The following NWD2 variants were observed in gnomAD, a reference collection of about 807,000 sequenced individuals.
NWD2 encodes NACHT and WD repeat domain containing 2, also known as NACHT and WD repeat domain-containing protein 2.
A neutral mutation model predicts 132.7 loss-of-function variants in NWD2; 37 were observed. The observed-to-expected ratio is 0.28, with a 90% CI of 0.21 to 0.37. NWD2 has a LOEUF of 0.37. NWD2 is among the 10% of genes least tolerant of loss of function. The probability of loss-of-function intolerance (pLI) is 1.00; values close to 1 mark genes in which losing one functional copy is unlikely to be tolerated. For missense variants in NWD2, 1,592 were observed against 2,122.4 expected, an observed-to-expected ratio of 0.75 and a Z score of 4.91; for synonymous variants, 705 against 803.0, an observed-to-expected ratio of 0.88 and a Z score of 2.06.
At chr4:37,325,232 G>A (rs1187077019) in intron 1 of NWD2, among the ~76,000 whole-genome samples, 1 of 152,020 alleles carries the variant, frequency 6.6e-6, no homozygotes, top group East Asian at 1.9e-4. Flanking sequence ...GTTTCTTCTT[G>A]TATTTTCTTA....
intron 1 of NWD2, among the ~76,000 whole-genome samples, chr4:37,245,533 C>T (rs1717221165): frequency 6.7e-6 from 1 of 149,372 alleles, no homozygotes; most frequent in Non-Finnish European, 1.5e-5. Flanking sequence ...GCCACCACCA[C>T]CTCCTGTCCC....
At chr4:37,438,657 A>G in intron 5 of NWD2, 144 bp from the exon 6 acceptor site, 1 of 582,998 alleles carries the variant, frequency 1.7e-6, no homozygotes, top group Non-Finnish European at 2.9e-6. Flanking sequence ...CAAATAGGAA[A>G]TCAAGAAATT....
intron 2 of NWD2, among the ~76,000 whole-genome samples, chr4:37,353,593 T>C (rs956883911): frequency 6.6e-6 from 1 of 152,042 alleles, no homozygotes; most frequent in African/African-American, 2.4e-5. Context: ...TTCATTAAGT[T>C]GATCTTCAAT....
intron 3 of NWD2, among the ~76,000 whole-genome samples, chr4:37,398,524 C>T (rs543798878): frequency 1.3e-5 from 2 of 152,176 alleles, no homozygotes; most frequent in Non-Finnish European, 2.9e-5. Context: ...ACCTACATGC[C>T]GGGTTCATAG....
chr4:37,403,481 G>A (rs909398103), intron 3 of NWD2, among the ~76,000 whole-genome samples: 1 of 152,070 alleles, frequency 6.6e-6, no homozygotes, highest in African/African-American at 2.4e-5. Flanking sequence ...TAGTACAGGG[G>A]GAAACAAACT....
At chr4:37,348,628 T>C (rs1209838373) in intron 2 of NWD2, among the ~76,000 whole-genome samples, 2 of 80,290 alleles carry the variant, frequency 2.5e-5, no homozygotes, top group African/African-American at 9.9e-5. Context: ...TCCTTGCCTG[T>C]GGTTAATTCA....
chr4:37,259,300 A>G (rs1268239958), intron 1 of NWD2, among the ~76,000 whole-genome samples: 2 of 152,232 alleles, frequency 1.3e-5, no homozygotes, highest in Non-Finnish European at 2.9e-5. Flanking sequence ...AACCCTATAT[A>G]AAAGCAAAGC....
In NWD2 at chr4:37,439,326, C is replaced by T; in HGVS notation, c.1232C>T (p.Pro411Leu). The T allele has an allele frequency of 6.5e-7, 1 of 1,544,756 alleles. No homozygotes were observed. The highest frequency in any genetic ancestry group is 8.7e-7 in the Non-Finnish European group (1 of 1,144,726). ...CCAAGCAAAGCTGGACACATCAACC[C>T]TCTTATTATATATGGTGGGCCATGC... Reference protein sequence around the residue: ...ILPSKAGHINPLIIYGGPCTG... With the variant: ...ILPSKAGHINLLIIYGGPCTG... Residue 411 changes from proline to leucine, a missense_variant, in exon 6 of 7, where the codon CCT (proline) becomes CTT (leucine). By Grantham distance (98) the Pro-to-Leu change is moderately conservative. This residue lies in a region of NWD2 where 1,071 missense variants were observed against 1,398.0 expected (regional missense o/e 0.77). Transcript: ENST00000309447. This position sits in a 1 kb window ranked among gnomAD's most constrained non-coding sequence, Gnocchi z 4.5.
intron 1 of NWD2, among the ~76,000 whole-genome samples, chr4:37,260,631 A>G (rs1053572916): frequency 1.1e-4 from 16 of 152,336 alleles, no homozygotes; most frequent in African/African-American, 3.8e-4. Flanking sequence ...GGAATACAAC[A>G]AAGTTTGTGA....
intron 1 of NWD2, among the ~76,000 whole-genome samples, 179 bp downstream of exon 1, chr4:37,245,397 G>A (rs1303313025): frequency 6.6e-6 from 1 of 152,066 alleles, no homozygotes; most frequent in Admixed American, 6.5e-5. Context: ...TCCCCTCGCT[G>A]GCCGGTTTTG....
intron 1 of NWD2, among the ~76,000 whole-genome samples, chr4:37,274,915 T>C (rs1439007930): frequency 6.6e-6 from 1 of 151,944 alleles, no homozygotes; most frequent in African/African-American, 2.4e-5. Flanking sequence ...AATTAGGTAA[T>C]GATGGGACAT....
intron 1 of NWD2, among the ~76,000 whole-genome samples, chr4:37,292,021 A>G (rs1718371629): frequency 1.3e-5 from 2 of 152,026 alleles, no homozygotes; most frequent in Admixed American, 1.3e-4. Context: ...TTATCTGAAC[A>G]GGGCCACACA....
chr4:37,356,188 G>A (rs1719868384), intron 2 of NWD2, among the ~76,000 whole-genome samples, 178 bp from the exon 3 acceptor site: 1 of 152,070 alleles, frequency 6.6e-6, no homozygotes, highest in Non-Finnish European at 1.5e-5. Flanking sequence ...AAATTATAAG[G>A]TTCATTCCCA....
intron 1 of NWD2, among the ~76,000 whole-genome samples, chr4:37,300,136 C>G (rs1393661642): frequency 6.6e-6 from 1 of 152,130 alleles, no homozygotes; most frequent in Non-Finnish European, 1.5e-5. Context: ...GAAACTCTTC[C>G]TGATCATCGG....
chr4:37,417,588 A>G (rs1322715411), intron 3 of NWD2, among the ~76,000 whole-genome samples: 2 of 152,294 alleles, frequency 1.3e-5, no homozygotes, highest in Non-Finnish European at 1.5e-5. Context: ...CTTTAAAAAG[A>G]TCTATTGGAA....
chr4:37,352,909 G>A (rs1719798728), intron 2 of NWD2, among the ~76,000 whole-genome samples: 1 of 152,132 alleles, frequency 6.6e-6, no homozygotes, highest in Non-Finnish European at 1.5e-5. Context: ...ATGCTAGCTG[G>A]TTATTTTGCC....
At chr4:37,370,267 C>T (rs77065086) in intron 3 of NWD2, among the ~76,000 whole-genome samples, 5,874 of 152,208 alleles carry the variant, frequency 0.039, 125 homozygotes, top group East Asian at 0.086. Flanking sequence ...AGCATTTACA[C>T]TTGCCTATTG....
intron 3 of NWD2, among the ~76,000 whole-genome samples, chr4:37,381,442 G>C (rs1720451397): frequency 6.6e-6 from 1 of 152,138 alleles, no homozygotes; most frequent in Non-Finnish European, 1.5e-5. Context: ...CTGAGACTCT[G>C]GGTTATCCCT....
chr4:37,328,384 A>C (rs1424366111), intron 2 of NWD2, among the ~76,000 whole-genome samples: 1 of 152,118 alleles, frequency 6.6e-6, no homozygotes, highest in East Asian at 1.9e-4. Context: ...TCCTAATGCT[A>C]TCACTCCCCT....
Sources: allele counts gnomAD v4.1 joint callset (sites outside exome capture counted in the v4.1 genomes callset), GRCh38; gene constraint gnomAD v4.1.1; regional missense constraint gnomAD v4.1.1; non-coding constraint Gnocchi (gnomAD v3.1); transcripts MANE v1.5; gene names NCBI Gene and HGNC (gene_info 2026-07-23, HGNC 2026-07-21).